NIN: variants seen among roughly 807,000 people sequenced by gnomAD.
NIN encodes glycogen synthase kinase 3 beta-interacting protein.
In NIN, 137 loss-of-function variants were observed where a neutral mutation model predicts 257.6. The ratio of observed to expected loss-of-function variants is 0.53; its 90% confidence interval spans 0.46 to 0.61. NIN has a LOEUF of 0.61. Among genes scored for constraint, NIN ranks in the 20% least tolerant of loss-of-function variants. NIN has a pLI of 0.00. For missense variants in NIN, 2,439 were observed against 2,501.2 expected, an observed-to-expected ratio of 0.98 and a Z score of 0.53; for synonymous variants, 918 against 919.8, an observed-to-expected ratio of 1.00 and a Z score of 0.04.
rs2040587231 is a variant in NIN at position 50,729,545 on chromosome 14, G to T, written c.6056C>A (p.Thr2019Asn). Reference sequence around the variant, plus strand: ...TACCTGTGGTGTGTTGGTTTCGGAGGTCCTGTTTTCAAGTTCCTCCTGCAG... The same window carrying T: ...TACCTGTGGTGTGTTGGTTTCGGAGTTCCTGTTTTCAAGTTCCTCCTGCAG... ...QHLQEELENR[T>N]SETNTPQGNQ... The change falls in exon 29 of 31, where the codon ACC becomes AAC. Residue 2019 changes from threonine (T) to asparagine (N), a missense_variant. This residue lies in a region of NIN where 2,043 missense variants were observed against 2,050.2 expected (regional missense o/e 1.00). Coordinates refer to ENST00000530997, the MANE Select transcript of NIN (RefSeq NM_020921.4). The T allele has an allele frequency of 6.2e-7, 1 of 1,613,908 alleles. No individual in the cohort carries two copies. The highest frequency in any genetic ancestry group is 8.5e-7 in the Non-Finnish European group (1 of 1,179,966).
rs372334376 is a variant in NIN, at chr14:50,792,869, T to C, written c.278A>G (p.Glu93Gly). The change falls in exon 5 of 31, where the codon GAA becomes GGA. Residue 93 changes from glutamate (E) to glycine (G), a missense_variant. Around this residue, in one of 3 missense-constraint regions of NIN, gnomAD observed 387 missense variants for 427.3 expected, o/e 0.91. Transcript: ENST00000530997. ...ACCTCTAACATATTTGGGCTGAGCT[T>C]CTAGTGAGCAGTCTGAGAGAGGAGA... The part of the protein sequence containing the change: ...EHFQEPDCSL[E>G]AQPKYVRGGK... 39 of 1,614,186 alleles carry C rather than the reference T, an allele frequency of 2.4e-5. No homozygotes were observed. Among genetic ancestry groups the C allele is most frequent in the Middle Eastern group, 1.6e-4 (1 of 6,062 alleles).
chr14:50,723,607 C>T lies in NIN; in HGVS notation c.6258G>A (p.Leu2086=). 2 of 1,613,886 alleles carry T rather than the reference C, an allele frequency of 1.2e-6. No individual in the cohort carries two copies. Among genetic ancestry groups the T allele is most frequent in the South Asian group, 1.1e-5 (1 of 91,074 alleles). ...GCTGTTCAGTCACTTCCAGAGCTTT[C>T]AACAACTGGGCATTTTCAACATACA... is the stretch of plus-strand genomic sequence containing the variant. The part of the protein sequence containing the change: ...KDLYVENAQL[L]KALEVTEQRQ... Residue 2086 remains leucine (L), a synonymous_variant, in exon 31 of 31, where the codon TTG becomes TTA. Coordinates refer to ENST00000530997, the MANE Select transcript of NIN (RefSeq NM_020921.4).
chr14:50,812,897 A>G (rs2044703476), intron 3 of NIN, among the ~76,000 whole-genome samples: 1 of 152,248 alleles, frequency 6.6e-6, no homozygotes, highest in Non-Finnish European at 1.5e-5. Context: ...CAGTCCGAAA[A>G]TTCACACACC....
intron 21 of NIN, among the ~76,000 whole-genome samples, chr14:50,750,851 C>T (rs1186753276): frequency 6.6e-6 from 1 of 152,156 alleles, no homozygotes; most frequent in Non-Finnish European, 1.5e-5. Flanking sequence ...AGAGAAGTGT[C>T]ATTGTTCTTC....
chr14:50,822,614 C>T (rs1293397528), intron 2 of NIN, among the ~76,000 whole-genome samples: 1 of 152,244 alleles, frequency 6.6e-6, no homozygotes, highest in Non-Finnish European at 1.5e-5. Flanking sequence ...CGTTCTACTT[C>T]ATTCAGCTTA....
At chr14:50,782,833 G>T (rs1345864245) in intron 5 of NIN, among the ~76,000 whole-genome samples, 1 of 152,202 alleles carries the variant, frequency 6.6e-6, no homozygotes, top group African/African-American at 2.4e-5. Context: ...GGGAAGCCCA[G>T]GTGCTGCTCA....
chr14:50,800,007 T>TACACACACAC (rs71118902), intron 4 of NIN, among the ~76,000 whole-genome samples: 3,888 of 148,104 alleles, frequency 0.026, 59 homozygotes, highest in Non-Finnish European at 0.035. Context: ...TATATACACA[T>TACACACACAC]ACACACACAC....
intron 4 of NIN, among the ~76,000 whole-genome samples, chr14:50,793,735 C>G (rs2043705004): frequency 6.6e-6 from 1 of 152,168 alleles, no homozygotes; most frequent in Non-Finnish European, 1.5e-5. Context: ...TCACCACCAC[C>G]ACCACCACCT....
At position 50,824,722 on chromosome 14, in the gene NIN, C is replaced by T. The variant is rs944330331; in HGVS notation, c.-21-2645G>A. ...TTGGTAAATATCATGGATTGACTTC[C>T]TGTATGGATCACTCCTTGAGAGGAA... On this transcript the variant is annotated intron_variant, in intron 2 of 30. Transcript: ENST00000530997. Among the ~76,000 whole-genome samples the T allele has an allele frequency of 8.5e-5, 13 of 152,276 alleles. 1 individual carries two copies. Among genetic ancestry groups the T allele is most frequent in the African/African-American group, 2.6e-4 (11 of 41,556 alleles).
intron 4 of NIN, among the ~76,000 whole-genome samples, chr14:50,803,967 G>A (rs1360883362): frequency 1.3e-5 from 2 of 151,398 alleles, no homozygotes; most frequent in East Asian, 3.9e-4. Context: ...CGTGATCTTG[G>A]CTACTGCAAC....
In NIN at chr14:50,777,576, A is replaced by C. The variant is rs1358259006; in HGVS notation, c.476-437T>G. On this transcript the variant is annotated intron_variant, in intron 6 of 30. Coordinates refer to ENST00000530997, the MANE Select transcript of NIN (RefSeq NM_020921.4). Reference sequence around the variant, plus strand: ...CAGCCTAAGTACTACAGCATCTTTTACTGAAAAGAAAATAATTTCATGATA... The same window carrying C: ...CAGCCTAAGTACTACAGCATCTTTTCCTGAAAAGAAAATAATTTCATGATA... 2.6e-5 allele frequency among the ~76,000 whole-genome samples: 4 copies of C among 152,192 alleles called. 1 individual carries two copies. The highest frequency in any genetic ancestry group is 9.6e-5 in the African/African-American group (4 of 41,452).
intron 20 of NIN, 35 bp downstream of exon 20, chr14:50,754,528 C>A (rs766250800): frequency 8.4e-6 from 13 of 1,550,646 alleles, no homozygotes; most frequent in South Asian, 4.7e-5. Flanking sequence ...ATTTTGGAAT[C>A]AAAAAACATT....
At chr14:50,732,077 C>A (rs1471577529) in intron 28 of NIN, among the ~76,000 whole-genome samples, 2 of 152,302 alleles carry the variant, frequency 1.3e-5, no homozygotes, top group South Asian at 2.1e-4. Flanking sequence ...AAGTAGGCGT[C>A]AAATTCTAGC....
chr14:50,828,237 G>A (rs115817865), intron 2 of NIN, among the ~76,000 whole-genome samples: 136 of 152,190 alleles, frequency 8.9e-4, no homozygotes, highest in African/African-American at 3.1e-3. Flanking sequence ...CTCTTCTCAC[G>A]TCTATGAACA....
chr14:50,746,259 A>G (rs1314191250), intron 22 of NIN, among the ~76,000 whole-genome samples: 1 of 152,214 alleles, frequency 6.6e-6, no homozygotes, highest in African/African-American at 2.4e-5. Context: ...TAATTAGGAT[A>G]AAGTTGGTAA....
At chr14:50,741,999 C>G in intron 24 of NIN, 1 of 345,424 alleles carries the variant, frequency 2.9e-6, no homozygotes, top group Non-Finnish European at 5.3e-6. Context: ...CTTACAATAC[C>G]AATGGGTGCC....
intron 14 of NIN, among the ~76,000 whole-genome samples, chr14:50,765,314 T>A (rs1191619119): frequency 6.6e-6 from 1 of 152,252 alleles, no homozygotes; most frequent in South Asian, 2.1e-4. Context: ...TACTGATGAA[T>A]TCATTAAATG....
intron 4 of NIN, among the ~76,000 whole-genome samples, chr14:50,793,781 A>G (rs1437820032): frequency 1.3e-5 from 2 of 152,220 alleles, no homozygotes; most frequent in African/African-American, 4.8e-5. Flanking sequence ...TTTTTCTACA[A>G]TTGGAGCTTT....
rs1206186197 is a variant in NIN, at chr14:50,722,083, T to G, written c.*1380A>C. ...CATGAAAACAAGCAGGTTGTTGTGATGAACTTGGAAAGTGCCCTGCACCTA... is the reference window on the plus strand; with the variant it reads ...CATGAAAACAAGCAGGTTGTTGTGAGGAACTTGGAAAGTGCCCTGCACCTA... On this transcript the variant is annotated 3_prime_UTR_variant, in exon 31 of 31. Transcript: ENST00000530997. The G allele has an allele frequency of 4.4e-6, 1 of 228,706 alleles. No homozygotes were observed. Among genetic ancestry groups the G allele is most frequent in the Non-Finnish European group, 8.7e-6 (1 of 115,106 alleles). 14.2% of individuals were successfully genotyped at this position (228,706 alleles called of 1,614,324 possible).
Sources: gnomAD v4.1 joint callset for allele counts (sites outside exome capture counted in the v4.1 genomes callset) on GRCh38, gnomAD v4.1.1 for gene constraint, gnomAD v4.1.1 regional missense constraint, MANE v1.5 for transcripts, NCBI Gene and HGNC (gene_info 2026-07-23, HGNC 2026-07-21) for gene names.